The following CHD5 variants were observed in gnomAD, a reference collection of about 807,000 sequenced individuals.
CHD5 encodes ATP-dependent chromatin remodeler CHD5.
Under a neutral mutation model 230.3 loss-of-function variants are expected in CHD5, and 69 were observed. The ratio of observed to expected loss-of-function variants is 0.30; its 90% CI spans 0.25 to 0.37. The LOEUF is 0.37. Among genes scored for constraint, CHD5 ranks in the 10% least tolerant of loss-of-function variants. CHD5 has a pLI of 1.00. For missense variants in CHD5, 1,827 were observed against 2,622.8 expected (o/e 0.70, Z 6.63); for synonymous variants, 1,064 against 1,065.9 (o/e 1.00, Z 0.03).
In CHD5 at chr1:6,180,094, C is replaced by T. The variant is rs1571179896; in HGVS notation, c.-71G>A. On this transcript the variant is annotated 5_prime_UTR_variant, in exon 1 of 42. Transcript: ENST00000262450. ...GGCGCGGTGCCAGCCTTAACCCGTG[C>T]GCTGCCGGACCGGCGCGCGCGGCGG... 3 of 782,268 alleles carry T rather than the reference C, an allele frequency of 3.8e-6. No individual in the cohort carries two copies. Among genetic ancestry groups the T allele is most frequent in the Non-Finnish European group, 3.3e-6 (2 of 615,316 alleles). 48.5% of individuals were successfully genotyped at this position (782,268 alleles called of 1,614,324 possible). A position where few individuals can be genotyped will look rare whatever the true frequency, so the allele number is the denominator to read the frequency against.
In CHD5 at chr1:6,136,386, T is replaced by C. The variant is rs544223923; in HGVS notation, c.2696+131A>G. 5 of 1,062,974 alleles carry C rather than the reference T, an allele frequency of 4.7e-6. No homozygotes were observed. The African/African-American group carries it at 6.3e-5, about 13-fold the overall frequency. The allele number at this position is 1,062,974 out of a possible 1,614,324, so 65.8% of individuals were successfully genotyped here. On this transcript the variant is annotated intron_variant, in intron 17 of 41. Transcript: ENST00000262450. ...CAGGAGGTCAAAGCGGGGACATTGC[T>C]AATGCTCCCATTTTACTGATGAGGA...
intron 1 of CHD5, among the ~76,000 whole-genome samples, chr1:6,178,496 T>C (rs1441578324): frequency 6.6e-6 from 1 of 151,962 alleles, no homozygotes; most frequent in Non-Finnish European, 1.5e-5. Flanking sequence ...GCCAGCCTCC[T>C]AGGTGGAAAA....
At chr1:6,172,783 C>T (rs899778915) in intron 1 of CHD5, among the ~76,000 whole-genome samples, 4 of 152,192 alleles carry the variant, frequency 2.6e-5, no homozygotes, top group African/African-American at 9.6e-5. Flanking sequence ...GTTCACCACA[C>T]TAGTCCCCCT....
chr1:6,107,807 AG>A (rs1666216785), intron 38 of CHD5, among the ~76,000 whole-genome samples: 3 of 120,858 alleles, frequency 2.5e-5, no homozygotes, highest in East Asian at 3.2e-4. Context: ...GGGATGATGG[AG>A]GAATAATGGA....
At chr1:6,145,291 C>T (rs183738590) in intron 11 of CHD5, among the ~76,000 whole-genome samples, 1 of 152,374 alleles carries the variant, frequency 6.6e-6, no homozygotes, top group East Asian at 1.9e-4. Context: ...ACATCTGGCT[C>T]AGGCTTTTAA....
intron 31 of CHD5, among the ~76,000 whole-genome samples, chr1:6,123,496 G>C (rs970832793): frequency 1.3e-5 from 2 of 151,588 alleles, no homozygotes; most frequent in Non-Finnish European, 2.9e-5. Context: ...GTGTGATCTT[G>C]GCTCACTGCA....
intron 38 of CHD5, among the ~76,000 whole-genome samples, chr1:6,107,061 C>G (rs12090954): frequency 1.0e-3 from 57 of 54,642 alleles, no homozygotes; most frequent in South Asian, 4.6e-3. Flanking sequence ...AATGATGGAG[C>G]GATGGAAGGA....
chr1:6,133,328 C>A (rs947129123), intron 20 of CHD5, among the ~76,000 whole-genome samples: 1 of 152,250 alleles, frequency 6.6e-6, no homozygotes, highest in African/African-American at 2.4e-5. Flanking sequence ...GGCTCAGCCC[C>A]TGGTCTCAAA....
intron 2 of CHD5, among the ~76,000 whole-genome samples, chr1:6,159,720 G>T (rs923700039): frequency 3.3e-5 from 5 of 152,242 alleles, no homozygotes; most frequent in Non-Finnish European, 5.9e-5. Context: ...CCTGAGCCAA[G>T]TCTTGTCCCC....
chr1:6,168,107 C>T (rs1281340287), intron 2 of CHD5, 43 bp downstream of exon 2: 1 of 1,567,824 alleles, frequency 6.4e-7, no homozygotes, highest in African/African-American at 1.4e-5. Context: ...GCAGCCACAA[C>T]CCCACCCGCC....
intron 33 of CHD5, among the ~76,000 whole-genome samples, chr1:6,113,733 C>T (rs1666330622): frequency 6.6e-6 from 1 of 152,196 alleles, no homozygotes; most frequent in Non-Finnish European, 1.5e-5. Flanking sequence ...TGGCCTGTCT[C>T]CACCACAGGA....
At position 6,128,575 on chromosome 1, in the gene CHD5, G is replaced by A. The variant is rs776225696; in HGVS notation, c.3654C>T (p.Pro1218=). 64 of 1,613,950 alleles carry A rather than the reference G, an allele frequency of 4.0e-5. 1 individual carries two copies. Among genetic ancestry groups the A allele is most frequent in the Non-Finnish European group, 6.8e-6 (8 of 1,179,958 alleles). ...MMSQGQRPVT[P]IPDVQSSKGG... ...CTTTGGAGGACTGGACATCAGGGAT[G>A]GGTGTGACCGGCCTCTGGCCCTGAG... Residue 1218 remains proline, a synonymous_variant, in exon 24 of 42, where the codon CCC becomes CCT. Transcript: ENST00000262450. The surrounding 1 kb of genome is among the most constrained non-coding windows in gnomAD (Gnocchi z 7.8).
At position 6,112,927 on chromosome 1, in the gene CHD5, T is replaced by C. The variant is rs758606696; in HGVS notation, c.4984A>G (p.Ser1662Gly). Residue 1662 changes from serine (S) to glycine (G), a missense_variant, in exon 34 of 42, where the codon AGT becomes GGT. Transcript: ENST00000262450. ...CCCAGACCTGGCCTGAGTTCGGAAC[T>C]GTCCCCTCTGCTGTGGATCAAGCTC... is the stretch of plus-strand genomic sequence containing the variant. ...ELSLIHSRGD[S>G]SELRPDDTKA... 1.2e-5 allele frequency: 20 copies of C among 1,613,740 alleles called. No homozygotes were observed. In the Admixed American group the frequency reaches 3.3e-4, roughly 27 times the overall value.
chr1:6,148,132 C>A (rs1269277744), intron 9 of CHD5, among the ~76,000 whole-genome samples: 1 of 152,196 alleles, frequency 6.6e-6, no homozygotes, highest in East Asian at 1.9e-4. Flanking sequence ...TACACACGCA[C>A]AATGCACACA....
At chr1:6,140,988 T>TAATAA (rs1291482392) in intron 15 of CHD5, among the ~76,000 whole-genome samples, 1 of 146,448 alleles carries the variant, frequency 6.8e-6, no homozygotes, top group Non-Finnish European at 1.5e-5. Flanking sequence ...ATAATAATAA[T>TAATAA]AATAATAATA....
rs1034942187 is a variant in CHD5, at chr1:6,179,371, C to T, written c.79+574G>A. ...CAGGAAAGAGGAGCAGGGGTCCGAGCCCGTGCGTCCCAGAGCGGAGTCCTC... is the reference window on the plus strand; with the variant it reads ...CAGGAAAGAGGAGCAGGGGTCCGAGTCCGTGCGTCCCAGAGCGGAGTCCTC... On this transcript the variant is annotated intron_variant, in intron 1 of 41. Transcript: ENST00000262450. Among the ~76,000 whole-genome samples, 30 of 152,062 alleles carry T rather than the reference C, an allele frequency of 2.0e-4. 1 individual carries two copies. Among genetic ancestry groups the T allele is most frequent in the African/African-American group, 7.0e-4 (29 of 41,416 alleles).
At chr1:6,133,296 T>C (rs1248481158) in intron 20 of CHD5, among the ~76,000 whole-genome samples, 3 of 152,164 alleles carry the variant, frequency 2.0e-5, no homozygotes, top group Non-Finnish European at 4.4e-5. Flanking sequence ...TGTGGGTCCA[T>C]CTCCACTCCA....
At position 6,109,889 on chromosome 1, in the gene CHD5, G is replaced by T. The variant is rs973713556; in HGVS notation, c.5484C>A (p.Arg1828=). ...CGGCGAGGCACTCCACTTCAGCCAG[G>T]CGGGCGTTGAGGGCCATGGCGGGGT... ...PNHPAMALNA[R]LAEVECLAES... is the part of the protein sequence containing the mutation. Residue 1828 remains arginine (R), a synonymous_variant, in exon 38 of 42, where the codon CGC becomes CGA. Coordinates refer to ENST00000262450, the MANE Select transcript of CHD5 (RefSeq NM_015557.3). 2 of 1,612,498 alleles carry T rather than the reference G, an allele frequency of 1.2e-6. No individual in the cohort carries two copies. Among genetic ancestry groups the T allele is most frequent in the African/African-American group, 1.3e-5 (1 of 74,904 alleles).
rs1557532718 is a variant in CHD5, at chr1:6,105,445, G to GT, written c.*47-19dup. 1 of 470,372 alleles carries GT rather than the reference G, an allele frequency of 2.1e-6. No individual in the cohort carries two copies. The highest frequency in any genetic ancestry group is 6.9e-5 in the East Asian group (1 of 14,390). The allele number at this position is 470,372 out of a possible 1,614,324, so 29.1% of individuals were successfully genotyped here. On this transcript the variant is annotated intron_variant, in intron 41 of 41. Coordinates refer to ENST00000262450, the MANE Select transcript of CHD5 (RefSeq NM_015557.3). This position sits in a 1 kb window ranked among gnomAD's most constrained non-coding sequence, Gnocchi z 4.8. The stretch of plus-strand genomic sequence containing the variant: ...AGGCGTGGCTGCAAAACGCAAATCA[G>GT]TGGGTTAAGCAGGTGGGCAGTTATA...
Sources: gnomAD v4.1 joint callset for allele counts (sites outside exome capture counted in the v4.1 genomes callset) on GRCh38, gnomAD v4.1.1 for gene constraint, Gnocchi (gnomAD v3.1) non-coding constraint, MANE v1.5 for transcripts, NCBI Gene and HGNC (gene_info 2026-07-23, HGNC 2026-07-21) for gene names.